The following MALRD1 variants were observed in gnomAD, a reference collection of about 807,000 sequenced individuals.
MALRD1 encodes MAM and LDL receptor class A domain containing 1.
In MALRD1, 247 loss-of-function variants were observed where a neutral mutation model predicts 242.1. That is an observed-to-expected ratio of 1.02 (90% CI 0.92 to 1.13). MALRD1 has a LOEUF of 1.13. Among genes scored for constraint, MALRD1 ranks in the 50% most tolerant of loss-of-function variants. The pLI, the probability that MALRD1 is intolerant of heterozygous loss-of-function variation, is 0.00. For synonymous variants in MALRD1, 995 were observed against 866.6 expected, an observed-to-expected ratio of 1.15 and a Z score of -2.60; for missense variants, 2,989 against 2,533.1, an observed-to-expected ratio of 1.18 and a Z score of -3.86.
At chr10:19,333,922 G>A (rs1188776398) in intron 24 of MALRD1, among the ~76,000 whole-genome samples, 1 of 151,908 alleles carries the variant, frequency 6.6e-6, no homozygotes, top group Non-Finnish European at 1.5e-5. Context: ...TCTTTCATAT[G>A]TTTGTTGCCC....
At position 19,440,227 on chromosome 10, in the gene MALRD1, T is replaced by C. The variant is rs532961474; in HGVS notation, c.4846-10080T>C. The stretch of plus-strand genomic sequence containing the variant: ...ATATACTAGTTTTTAGTCCATAGTC[T>C]ACTTATGTTTCAATTTGTATTATGG... On this transcript the variant is annotated intron_variant, in intron 28 of 39. Transcript: ENST00000454679. 2.1e-4 allele frequency among the ~76,000 whole-genome samples: 32 copies of C among 152,342 alleles called. 1 individual carries two copies. In the East Asian group the frequency reaches 6.0e-3, roughly 28 times the overall value.
At chr10:19,512,951 A>G (rs190140049) in intron 31 of MALRD1, among the ~76,000 whole-genome samples, 2 of 152,316 alleles carry the variant, frequency 1.3e-5, no homozygotes, top group Admixed American at 6.5e-5. Flanking sequence ...TGGGTGTACA[A>G]TTAACATCGA....
intron 28 of MALRD1, among the ~76,000 whole-genome samples, chr10:19,449,730 T>C (rs1835215892): frequency 6.6e-6 from 1 of 152,172 alleles, no homozygotes; most frequent in South Asian, 2.1e-4. Flanking sequence ...AAATAACTAT[T>C]TGGTACTATG....
At chr10:19,312,052 A>G (rs557764765) in intron 21 of MALRD1, among the ~76,000 whole-genome samples, 1 of 151,520 alleles carries the variant, frequency 6.6e-6, no homozygotes, top group South Asian at 2.1e-4. Flanking sequence ...GTTGCTGATG[A>G]GCAAAGCTGT....
At chr10:19,392,494 A>G (rs890907118) in intron 28 of MALRD1, among the ~76,000 whole-genome samples, 3 of 152,236 alleles carry the variant, frequency 2.0e-5, no homozygotes, top group African/African-American at 7.2e-5. Context: ...TGATTCTTAA[A>G]TGACTCCTGT....
intron 28 of MALRD1, among the ~76,000 whole-genome samples, chr10:19,397,426 T>C (rs1846632060): frequency 6.6e-6 from 1 of 152,212 alleles, no homozygotes; most frequent in Admixed American, 6.5e-5. Context: ...TTTCATTTTT[T>C]TAATGGATGA....
chr10:19,672,411 C>CTTTT lies in MALRD1; in HGVS notation c.6138-19856_6138-19853dup, dbSNP rs200485712. ...TGATTGATGCAACAGAGATATATAG[C>CTTTT]TTTTTTTTTTTTTTTTTTGTATTTT... On this transcript the variant is annotated intron_variant, in intron 36 of 39. Coordinates refer to ENST00000454679, the MANE Select transcript of MALRD1 (RefSeq NM_001142308.3). Among the ~76,000 whole-genome samples the CTTTT allele has an allele frequency of 7.7e-4, 97 of 125,544 alleles. 1 individual carries two copies. Among genetic ancestry groups the CTTTT allele is most frequent in the African/African-American group, 2.5e-3 (81 of 32,122 alleles). 82.4% of individuals were successfully genotyped at this position (125,544 alleles called of 152,430 possible).
chr10:19,341,512 G>A (rs999086695), intron 24 of MALRD1, among the ~76,000 whole-genome samples: 2 of 126,386 alleles, frequency 1.6e-5, no homozygotes. Flanking sequence ...GTATATATAT[G>A]TGTGTATATA....
chr10:19,157,319 C>T (rs923380755), intron 12 of MALRD1, among the ~76,000 whole-genome samples: 10 of 147,852 alleles, frequency 6.8e-5, no homozygotes, highest in Non-Finnish European at 1.2e-4. Flanking sequence ...GTCGCCCAGG[C>T]TGGAGTGCAG....
chr10:19,266,296 C>T (rs1364736571), intron 19 of MALRD1, among the ~76,000 whole-genome samples: 1 of 151,574 alleles, frequency 6.6e-6, no homozygotes, highest in African/African-American at 2.4e-5. Context: ...TTGTTTCTTT[C>T]TCTCTTGCTA....
chr10:19,649,114 C>T (rs906296272), intron 36 of MALRD1, among the ~76,000 whole-genome samples: 9 of 152,174 alleles, frequency 5.9e-5, no homozygotes, highest in African/African-American at 1.9e-4. Context: ...ATGTCTTCCA[C>T]ATTTTCTTTA....
intron 14 of MALRD1, among the ~76,000 whole-genome samples, chr10:19,199,310 A>G (rs1161045828): frequency 6.6e-6 from 1 of 152,212 alleles, no homozygotes; most frequent in African/African-American, 2.4e-5. Flanking sequence ...TCCATTAAAA[A>G]CACATAGCAT....
intron 12 of MALRD1, among the ~76,000 whole-genome samples, chr10:19,158,050 A>T (rs1212529895): frequency 6.6e-6 from 1 of 152,210 alleles, no homozygotes; most frequent in Non-Finnish European, 1.5e-5. Flanking sequence ...TTTTCTTTGA[A>T]ATACAAGATA....
At chr10:19,702,519 A>G (rs1399947225) in intron 38 of MALRD1, among the ~76,000 whole-genome samples, 1 of 152,168 alleles carries the variant, frequency 6.6e-6, no homozygotes, top group Non-Finnish European at 1.5e-5. Flanking sequence ...TATTTCTGGT[A>G]TCTGGGATTG....
intron 14 of MALRD1, among the ~76,000 whole-genome samples, chr10:19,195,472 A>G (rs1185536651): frequency 6.6e-6 from 1 of 152,088 alleles, no homozygotes; most frequent in Non-Finnish European, 1.5e-5. Flanking sequence ...TTATATCTCT[A>G]GTTTAAACCT....
rs1443320717 is a variant in MALRD1 at position 19,428,971 on chromosome 10, C to T, written c.4846-21336C>T. Among the ~76,000 whole-genome samples the T allele has an allele frequency of 2.6e-5, 4 of 152,210 alleles. No homozygotes were observed. In the East Asian group the frequency reaches 7.7e-4, roughly 29 times the overall value. On this transcript the variant is annotated intron_variant, in intron 28 of 39. Coordinates refer to ENST00000454679, the MANE Select transcript of MALRD1 (RefSeq NM_001142308.3). ...TGTAGTCTGAATTTATTCCATTGAA[C>T]ATAAATAGCCATATATTTTACTTTG... is the stretch of plus-strand genomic sequence containing the variant.
At chr10:19,293,661 A>G (rs1014016551) in intron 21 of MALRD1, among the ~76,000 whole-genome samples, 1 of 152,144 alleles carries the variant, frequency 6.6e-6, no homozygotes, top group Admixed American at 6.5e-5. Flanking sequence ...GGAACAGAAA[A>G]CCAAATACTG....
At chr10:19,619,347 C>G (rs556731349) in intron 36 of MALRD1, among the ~76,000 whole-genome samples, 7 of 151,944 alleles carry the variant, frequency 4.6e-5, no homozygotes, top group Non-Finnish European at 7.4e-5. Flanking sequence ...TCCCTTTCCA[C>G]AATATTTTGT....
intron 19 of MALRD1, among the ~76,000 whole-genome samples, chr10:19,265,580 A>G (rs1839938586): frequency 6.6e-6 from 1 of 152,126 alleles, no homozygotes; most frequent in Admixed American, 6.5e-5. Context: ...TGTGGTTAGA[A>G]AAGATGCTGG....
Sources: allele counts gnomAD v4.1 joint callset (sites outside exome capture counted in the v4.1 genomes callset), GRCh38; gene constraint gnomAD v4.1.1; transcripts MANE v1.5; gene names NCBI Gene and HGNC (gene_info 2026-07-23, HGNC 2026-07-21).